Variants in UGT1A5 observed in about 807,000 individuals in gnomAD.
UGT1A5 encodes UDP glucuronosyltransferase family 1 member A5, also known as UDP-glucuronosyltransferase 1A5.
UGT1A5 carries 29 observed loss-of-function variants against 40.3 expected under a neutral mutation model. The ratio of observed to expected loss-of-function variants is 0.72; its 90% CI spans 0.54 to 0.98. The LOEUF is 0.98. UGT1A5 is among the 50% of genes least tolerant of loss of function. UGT1A5 has a pLI of 0.00. For synonymous variants in UGT1A5, 257 were observed against 262.5 expected, an observed-to-expected ratio of 0.98 and a Z score of 0.20; for missense variants, 678 against 677.9, an observed-to-expected ratio of 1.00 and a Z score of 0.00.
chr2:233,772,427 C>T lies in UGT1A5; in HGVS notation c.1473C>T (p.Asp491=), dbSNP rs114123636. ...CCTGGTACCAGTACCATTCCTTGGA[C>T]GTGATTGGTTTCCTCTTGGCCGTCG... ...DLTWYQYHSL[D]VIGFLLAVVL... is the part of the protein sequence containing the mutation. The change falls in exon 5 of 5, where the codon GAC becomes GAT. Residue 491 remains aspartate, a synonymous_variant. Coordinates refer to ENST00000373414, the MANE Select transcript of UGT1A5 (RefSeq NM_019078.2). The T allele has an allele frequency of 1.1e-4, 177 of 1,614,220 alleles. No homozygotes were observed. The highest frequency in any genetic ancestry group is 8.7e-4 in the East Asian group (39 of 44,876).
At chr2:233,748,875 A>T (rs1329303581) in intron 1 of UGT1A5, among the ~76,000 whole-genome samples, 1 of 151,636 alleles carries the variant, frequency 6.6e-6, no homozygotes, top group Non-Finnish European at 1.5e-5. Flanking sequence ...GGGGACGGTG[A>T]TGAATGGACA....
intron 1 of UGT1A5, chr2:233,742,079 T>C (rs1691866087): frequency 6.6e-6 from 1 of 151,874 alleles, no homozygotes; most frequent in Non-Finnish European, 1.5e-5. Flanking sequence ...GGAGATCCTT[T>C]TTTTACATTT....
intron 1 of UGT1A5, chr2:233,755,429 C>T (rs1352884628): frequency 3.1e-6 from 1 of 319,032 alleles, no homozygotes; most frequent in Non-Finnish European, 6.1e-6. Flanking sequence ...CGCCTCGCAT[C>T]CCAAGATGCA....
chr2:233,753,752 T>C (rs1695297434), intron 1 of UGT1A5: 1 of 152,236 alleles, frequency 6.6e-6, no homozygotes, highest in African/African-American at 2.4e-5. Context: ...TAGGACAGTT[T>C]TGCGTGGCCC....
chr2:233,760,197 G>A (rs2125980210), intron 1 of UGT1A5: 1 of 1,578,860 alleles, frequency 6.3e-7, no homozygotes, highest in Admixed American at 1.7e-5. Context: ...ACGTGACACA[G>A]TCAAACATTA....
Position 233,772,271 on chromosome 2 carries a change from G to A in UGT1A5, c.1317G>A (p.Glu439=). The A allele has an allele frequency of 6.2e-7, 1 of 1,614,244 alleles. No individual in the cohort carries two copies. Among genetic ancestry groups the A allele is most frequent in the Non-Finnish European group, 8.5e-7 (1 of 1,180,050 alleles). Residue 439 remains glutamate, a synonymous_variant, in exon 5 of 5, where the codon GAG becomes GAA. Transcript: ENST00000373414. The stretch of plus-strand genomic sequence containing the variant: ...CTGTCTTTGTGTTTAGTTACAAGGA[G>A]AACATCATGCGCCTCTCCAGCCTTC... ...KAVINDKSYK[E]NIMRLSSLHK...
At chr2:233,720,540 C>T (rs1283139859) in intron 1 of UGT1A5, among the ~76,000 whole-genome samples, 3 of 152,068 alleles carry the variant, frequency 2.0e-5, no homozygotes, top group African/African-American at 7.2e-5. Context: ...CACCCTATCC[C>T]ACTCCAAGTT....
At chr2:233,730,791 G>A (rs530253240) in intron 1 of UGT1A5, among the ~76,000 whole-genome samples, 3 of 152,260 alleles carry the variant, frequency 2.0e-5, no homozygotes, top group African/African-American at 7.2e-5. Context: ...TGGGGACAGT[G>A]ATGAATGGAC....
chr2:233,730,084 A>C (rs962499834), intron 1 of UGT1A5: 1 of 1,601,106 alleles, frequency 6.2e-7, no homozygotes, highest in Admixed American at 1.7e-5. Context: ...ATATTTACTT[A>C]TCTTTCCAAA....
At chr2:233,750,081 T>C (rs1164300379) in intron 1 of UGT1A5, among the ~76,000 whole-genome samples, 3 of 151,620 alleles carry the variant, frequency 2.0e-5, no homozygotes, top group African/African-American at 7.3e-5. Context: ...CAGGCAGAGG[T>C]TGGAACAGTT....
chr2:233,747,552 A>T, intron 1 of UGT1A5: 1 of 1,601,266 alleles, frequency 6.2e-7, no homozygotes, highest in Middle Eastern at 1.7e-4. Flanking sequence ...TTCTAAAAGT[A>T]TGGCAATTTT....
intron 1 of UGT1A5, among the ~76,000 whole-genome samples, chr2:233,714,326 A>T (rs1163768805): frequency 6.6e-6 from 1 of 152,128 alleles, no homozygotes. Context: ...ACCACAGGAG[A>T]CCTAAGCACT....
At chr2:233,744,513 A>C (rs1259623883) in intron 1 of UGT1A5, among the ~76,000 whole-genome samples, 1 of 151,992 alleles carries the variant, frequency 6.6e-6, no homozygotes, top group Non-Finnish European at 1.5e-5. Context: ...CCCATGACAC[A>C]ATAGCAAATC....
intron 1 of UGT1A5, chr2:233,752,588 C>T (rs1160790573): frequency 1.3e-5 from 2 of 152,108 alleles, no homozygotes; most frequent in African/African-American, 4.8e-5. Flanking sequence ...CCCATCTCTA[C>T]AAGATTTTTT....
intron 1 of UGT1A5, among the ~76,000 whole-genome samples, chr2:233,753,843 T>A (rs529676681): frequency 6.6e-6 from 1 of 152,338 alleles, no homozygotes; most frequent in South Asian, 2.1e-4. Flanking sequence ...TCCTAGTATA[T>A]CATTGACCAA....
At position 233,713,136 on chromosome 2, in the gene UGT1A5, C is replaced by A. The variant is rs41270755; in HGVS notation, c.145C>A (p.Arg49=). The A allele has an allele frequency of 6.2e-7, 1 of 1,614,170 alleles. No homozygotes were observed. The highest frequency in any genetic ancestry group is 2.2e-5 in the East Asian group (1 of 44,884). ...CTGGCTCAGCATGCGGGAGGCCTTG[C>A]GGGACCTCCATGCGAGAGGCCACCA... ...SHWLSMREAL[R]DLHARGHQVV... is the part of the protein sequence containing the mutation. The change falls in exon 1 of 5, where the codon CGG becomes AGG. Residue 49 remains arginine (R), a synonymous_variant. Coordinates refer to ENST00000373414, the MANE Select transcript of UGT1A5 (RefSeq NM_019078.2).
chr2:233,732,094 T>C (rs1575595970), intron 1 of UGT1A5, among the ~76,000 whole-genome samples: 2 of 152,276 alleles, frequency 1.3e-5, no homozygotes, highest in South Asian at 2.1e-4. Flanking sequence ...TTTTGAGAAG[T>C]GTCTGTTCAT....
At position 233,769,512 on chromosome 2, in the gene UGT1A5, C is replaced by T; in HGVS notation, c.1307+1073C>T. ...TTATGAGAGTGTCCATTGCTTTCTCCCATGGTTACCTCCTTTAGAAAGAAG... is the reference window on the plus strand; with the variant it reads ...TTATGAGAGTGTCCATTGCTTTCTCTCATGGTTACCTCCTTTAGAAAGAAG... On this transcript the variant is annotated intron_variant, in intron 4 of 4. Transcript: ENST00000373414. This position sits in a 1 kb window ranked among gnomAD's most constrained non-coding sequence, Gnocchi z 4.4. 1 of 1,612,734 alleles carries T rather than the reference C, an allele frequency of 6.2e-7. No homozygotes were observed. The highest frequency in any genetic ancestry group is 8.5e-7 in the Non-Finnish European group (1 of 1,179,852).
intron 1 of UGT1A5, among the ~76,000 whole-genome samples, chr2:233,716,254 A>C (rs1204855688): frequency 6.6e-6 from 1 of 152,204 alleles, no homozygotes; most frequent in Non-Finnish European, 1.5e-5. Flanking sequence ...GACATCCAGC[A>C]TAATCTCCCC....
Sources: allele counts gnomAD v4.1 joint callset (sites outside exome capture counted in the v4.1 genomes callset), GRCh38; gene constraint gnomAD v4.1.1; non-coding constraint Gnocchi (gnomAD v3.1); transcripts MANE v1.5; gene names NCBI Gene and HGNC (gene_info 2026-07-23, HGNC 2026-07-21).